Variants in CSMD2 observed in about 807,000 individuals in gnomAD.
CSMD2 encodes the protein CUB and Sushi multiple domains 2.
A neutral mutation model predicts 398.5 loss-of-function variants in CSMD2; 130 were observed. That is an observed-to-expected ratio of 0.33 (90% CI 0.28 to 0.38). CSMD2 has a LOEUF of 0.38. Ranked by LOEUF, CSMD2 falls within the 10% of genes least tolerant of loss-of-function variation. CSMD2 has a pLI of 1.00. For missense variants in CSMD2, 3,829 were observed against 4,764.9 expected (o/e 0.80, Z 5.78); for synonymous variants, 1,828 against 1,908.5 (o/e 0.96, Z 1.10).
intron 1 of CSMD2, among the ~76,000 whole-genome samples, chr1:34,106,201 C>T (rs1209658971): frequency 6.6e-6 from 1 of 152,194 alleles, no homozygotes; most frequent in East Asian, 1.9e-4. Flanking sequence ...ATCTTACTAG[C>T]CATCTCCACG....
At chr1:33,976,790 C>A (rs1471397017) in intron 3 of CSMD2, among the ~76,000 whole-genome samples, 1 of 152,090 alleles carries the variant, frequency 6.6e-6, no homozygotes, top group Non-Finnish European at 1.5e-5. Flanking sequence ...CTAATACATT[C>A]CTCTTTGGGC....
At chr1:33,566,505 T>C (rs1659071632) in intron 53 of CSMD2, among the ~76,000 whole-genome samples, 1 of 151,944 alleles carries the variant, frequency 6.6e-6, no homozygotes, top group Non-Finnish European at 1.5e-5. Flanking sequence ...ACTAACCAAC[T>C]AAAAGAAAAA....
chr1:33,908,085 CAAAAAA>C (rs35932181), intron 5 of CSMD2, among the ~76,000 whole-genome samples: 3 of 77,128 alleles, frequency 3.9e-5, no homozygotes, highest in African/African-American at 6.1e-5. Flanking sequence ...GACTCCATCT[CAAAAAA>C]AAAAAAAAAA....
In CSMD2 at chr1:33,754,639, A is replaced by G. The variant is rs149143051; in HGVS notation, c.1847-11033T>C. ...TGCTTGTGAAATGTATGTTTCAATT[A>G]TGTGCAAGTGTGTACAAAGTTACAA... On this transcript the variant is annotated intron_variant, in intron 13 of 70. Transcript: ENST00000373381. Among the ~76,000 whole-genome samples, 18 of 152,362 alleles carry G rather than the reference A, an allele frequency of 1.2e-4. No individual in the cohort carries two copies. In the East Asian group the frequency reaches 3.5e-3, roughly 29 times the overall value.
intron 24 of CSMD2, among the ~76,000 whole-genome samples, chr1:33,694,064 CAAT>C (rs1017380478): frequency 4.6e-5 from 7 of 152,026 alleles, no homozygotes; most frequent in Admixed American, 2.0e-4. Flanking sequence ...CATCTCAAAA[CAAT>C]AACAACAACA....
At chr1:34,057,333 G>C (rs1334591769) in intron 2 of CSMD2, among the ~76,000 whole-genome samples, 1 of 152,148 alleles carries the variant, frequency 6.6e-6, no homozygotes, top group Non-Finnish European at 1.5e-5. Flanking sequence ...CCTCAGCATA[G>C]GCTGATGGCT....
At chr1:33,864,227 T>C in intron 5 of CSMD2, 1 of 1,610,312 alleles carries the variant, frequency 6.2e-7, no homozygotes, top group East Asian at 2.2e-5. Flanking sequence ...CTAAGGCAAA[T>C]GTCTCTTCTT....
intron 3 of CSMD2, among the ~76,000 whole-genome samples, chr1:33,967,329 A>G (rs565244921): frequency 6.6e-6 from 1 of 152,058 alleles, no homozygotes; most frequent in African/African-American, 2.4e-5. Context: ...TCAGGTTCTC[A>G]GGATATGCCT....
Position 33,572,496 on chromosome 1 carries a change from G to A in CSMD2, c.7762+10C>T, listed in dbSNP as rs763155647. 2.0e-5 allele frequency: 31 copies of A among 1,573,152 alleles called. No homozygotes were observed. In the African/African-American group the frequency reaches 3.2e-4, roughly 16 times the overall value. ...TTCCTTACACCCGCCTCCATTGCCC[G>A]AGGACTCACGGACACACTGTGGTGG... On this transcript the variant is annotated intron_variant, in intron 50 of 70. Transcript: ENST00000373381.
At chr1:33,722,451 T>C (rs1017962836) in intron 19 of CSMD2, among the ~76,000 whole-genome samples, 1 of 152,246 alleles carries the variant, frequency 6.6e-6, no homozygotes, top group Non-Finnish European at 1.5e-5. Context: ...CCCAGACTGT[T>C]ACAATTTTCT....
chr1:33,668,220 C>T (rs139035900), intron 25 of CSMD2, among the ~76,000 whole-genome samples: 10 of 152,154 alleles, frequency 6.6e-5, no homozygotes, highest in South Asian at 2.1e-4. Context: ...GCAGGGCTGG[C>T]GGGACTCCGT....
At position 33,576,868 on chromosome 1, in the gene CSMD2, A is replaced by C. The variant is rs141083891; in HGVS notation, c.7576+428T>G. Among the ~76,000 whole-genome samples the C allele has an allele frequency of 5.3e-5, 8 of 151,968 alleles. 1 individual carries two copies. In the South Asian group the frequency reaches 8.3e-4, roughly 16 times the overall value. On this transcript the variant is annotated intron_variant, in intron 49 of 70. Transcript: ENST00000373381. ...TATTACTTGAAGGGAAAAAACTGTC[A>C]TAAATCATAAAATCATAAATCATAA...
intron 3 of CSMD2, among the ~76,000 whole-genome samples, chr1:33,987,476 G>T (rs1352638626): frequency 6.6e-6 from 1 of 152,114 alleles, no homozygotes; most frequent in African/African-American, 2.4e-5. Context: ...AGGGAGTTGG[G>T]CATCAGAACT....
chr1:33,996,818 G>A (rs528087521), intron 3 of CSMD2, among the ~76,000 whole-genome samples: 1 of 151,978 alleles, frequency 6.6e-6, no homozygotes, highest in East Asian at 1.9e-4. Flanking sequence ...AGGGAGAGGG[G>A]AAAGCAGAGA....
intron 26 of CSMD2, among the ~76,000 whole-genome samples, chr1:33,660,337 G>C (rs1468725262): frequency 6.6e-6 from 1 of 151,262 alleles, no homozygotes; most frequent in Non-Finnish European, 1.5e-5. Flanking sequence ...CTTTTTTTTT[G>C]TTCTCACTTT....
chr1:33,542,940 G>A (rs762859638), intron 57 of CSMD2, 44 bp from the exon 58 acceptor site: 2 of 1,561,610 alleles, frequency 1.3e-6, no homozygotes, highest in East Asian at 2.2e-5. Flanking sequence ...ACAATGGTGG[G>A]TATCACCTAG....
At chr1:33,944,492 C>A (rs115729723) in intron 3 of CSMD2, among the ~76,000 whole-genome samples, 2,198 of 152,272 alleles carry the variant, frequency 0.014, 23 homozygotes, top group Non-Finnish European at 0.021. Context: ...TTATAGCCTC[C>A]ACCCTTCCCC....
intron 15 of CSMD2, among the ~76,000 whole-genome samples, chr1:33,737,900 A>C (rs138744391): frequency 1.4e-4 from 22 of 152,328 alleles, no homozygotes; most frequent in African/African-American, 5.3e-4. Flanking sequence ...CTCCATACAC[A>C]TCTGATAATT....
At chr1:33,619,327 T>C (rs957972093) in intron 37 of CSMD2, among the ~76,000 whole-genome samples, 60 of 152,304 alleles carry the variant, frequency 3.9e-4, no homozygotes, top group African/African-American at 1.2e-3. Context: ...CTTTGGGGGA[T>C]ACAGGCTCCC....
Sources: gnomAD v4.1 joint callset for allele counts (sites outside exome capture counted in the v4.1 genomes callset) on GRCh38, gnomAD v4.1.1 for gene constraint, MANE v1.5 for transcripts, NCBI Gene and HGNC (gene_info 2026-07-23, HGNC 2026-07-21) for gene names.